ODAD2: variants seen among roughly 807,000 people sequenced by gnomAD.
ODAD2 encodes the protein outer dynein arm docking complex subunit 2.
ODAD2 carries 89 observed loss-of-function variants against 106.8 expected under a neutral mutation model. The observed-to-expected ratio is 0.83, with a 90% CI of 0.70 to 0.99. The LOEUF (loss-of-function observed/expected upper bound fraction) is 0.99, where lower values mean the gene tolerates loss of function less well. ODAD2 is among the 50% of genes least tolerant of loss of function. ODAD2 has a pLI of 0.00. For synonymous variants in ODAD2, 404 were observed against 436.2 expected (o/e 0.93, Z 0.92); for missense variants, 1,168 against 1,238.5 (o/e 0.94, Z 0.85).
intron 19 of ODAD2, among the ~76,000 whole-genome samples, chr10:27,832,016 G>A (rs568975484): frequency 6.6e-6 from 1 of 152,326 alleles, no homozygotes; most frequent in East Asian, 1.9e-4. Flanking sequence ...GCATATTCGG[G>A]GCTTCCCCTG....
At chr10:27,826,951 G>T (rs1837091252) in intron 19 of ODAD2, among the ~76,000 whole-genome samples, 1 of 151,420 alleles carries the variant, frequency 6.6e-6, no homozygotes, top group Non-Finnish European at 1.5e-5. Context: ...TTTTCCAAGG[G>T]TGACCTCCAC....
At chr10:27,818,464 T>C (rs1172877243) in intron 19 of ODAD2, among the ~76,000 whole-genome samples, 1 of 152,166 alleles carries the variant, frequency 6.6e-6, no homozygotes, top group African/African-American at 2.4e-5. Context: ...ATCACTTTAA[T>C]AGACAATAAT....
chr10:27,817,507 C>A (rs1397405401), intron 19 of ODAD2, among the ~76,000 whole-genome samples: 1 of 152,100 alleles, frequency 6.6e-6, no homozygotes, highest in East Asian at 1.9e-4. Flanking sequence ...CTCCCCATTT[C>A]CCATCTTTTG....
At chr10:27,831,523 G>A (rs1837477293) in intron 19 of ODAD2, among the ~76,000 whole-genome samples, 3 of 152,098 alleles carry the variant, frequency 2.0e-5, no homozygotes, top group Admixed American at 2.0e-4. Context: ...TATTATTAAC[G>A]TTCCAATGTA....
intron 16 of ODAD2, among the ~76,000 whole-genome samples, chr10:27,912,625 C>A (rs1223613556): frequency 1.3e-5 from 2 of 152,124 alleles, no homozygotes; most frequent in Non-Finnish European, 2.9e-5. Context: ...ATTTTGAAAT[C>A]ATAATTTTGC....
At position 27,944,775 on chromosome 10, in the gene ODAD2, T is replaced by A. The variant is rs80285526; in HGVS notation, c.1533+41A>T. 1.3e-3 allele frequency: 2,101 copies of A among 1,612,182 alleles called. 28 individuals are homozygous for A. The African/African-American group carries it at 0.024, about 18-fold the overall frequency. On this transcript the variant is annotated intron_variant, in intron 11 of 19. Transcript: ENST00000305242. ...GAGCTAAGAAGAGAGCCCAGGAAGG[T>A]GGGAACAAGACTCCGCATCCAAGGT...
chr10:27,995,014 A>G lies in ODAD2; in HGVS notation c.129T>C (p.Tyr43=), dbSNP rs1564587636. ...EIIVFVESFI[Y]KHPQEAKFVF... is the part of the protein sequence containing the mutation. ...CAAATTTTGCCTCTTGAGGATGTTT[A>G]TAGATAAAACTCTCCACAAACACAA... The change falls in exon 2 of 20, where the codon TAT becomes TAC. Residue 43 remains tyrosine (Y), a synonymous_variant. Coordinates refer to ENST00000305242, the MANE Select transcript of ODAD2 (RefSeq NM_018076.5). 6.2e-7 allele frequency: 1 copy of G among 1,614,214 alleles called. No homozygotes were observed. Among genetic ancestry groups the G allele is most frequent in the East Asian group, 2.2e-5 (1 of 44,882 alleles).
chr10:27,904,518 A>T (rs1843445205), intron 17 of ODAD2, among the ~76,000 whole-genome samples: 1 of 152,186 alleles, frequency 6.6e-6, no homozygotes, highest in Non-Finnish European at 1.5e-5. Context: ...AAAGTCCATC[A>T]CTGCCTCTGA....
At chr10:27,842,329 C>T (rs983177471) in intron 19 of ODAD2, among the ~76,000 whole-genome samples, 2 of 152,164 alleles carry the variant, frequency 1.3e-5, no homozygotes, top group African/African-American at 4.8e-5. Context: ...AGAATCTCTA[C>T]ACTGTATCTT....
intron 12 of ODAD2, among the ~76,000 whole-genome samples, chr10:27,941,136 C>T (rs901223003): frequency 6.6e-6 from 1 of 152,052 alleles, no homozygotes; most frequent in African/African-American, 2.4e-5. Flanking sequence ...AAACTAGCTT[C>T]CCTAAAACCA....
At chr10:27,835,469 T>C (rs1012702060) in intron 19 of ODAD2, among the ~76,000 whole-genome samples, 2 of 151,982 alleles carry the variant, frequency 1.3e-5, no homozygotes, top group Admixed American at 1.3e-4. Flanking sequence ...AGGTGTGTTC[T>C]CTCTCTCTCT....
At chr10:27,898,592 G>T (rs1459819567) in intron 17 of ODAD2, among the ~76,000 whole-genome samples, 2 of 152,056 alleles carry the variant, frequency 1.3e-5, no homozygotes, top group Admixed American at 1.3e-4. Flanking sequence ...TCAAGGATTT[G>T]TATCAATCTT....
chr10:27,937,714 G>A (rs1440814258), intron 14 of ODAD2, among the ~76,000 whole-genome samples: 1 of 152,124 alleles, frequency 6.6e-6, no homozygotes, highest in Non-Finnish European at 1.5e-5. Context: ...CACCCATGGA[G>A]GCCACTAGAA....
intron 19 of ODAD2, among the ~76,000 whole-genome samples, chr10:27,835,040 C>T (rs991893473): frequency 1.3e-5 from 2 of 152,170 alleles, no homozygotes; most frequent in Non-Finnish European, 2.9e-5. Flanking sequence ...GCAGGGGTTG[C>T]GGCACAGCAC....
At chr10:27,837,166 G>A (rs2133070196) in intron 19 of ODAD2, among the ~76,000 whole-genome samples, 1 of 152,302 alleles carries the variant, frequency 6.6e-6, no homozygotes, top group Admixed American at 6.5e-5. Flanking sequence ...GCCTCTCTGG[G>A]TCACAGCAAG....
At chr10:27,821,563 G>A (rs1836613363) in intron 19 of ODAD2, among the ~76,000 whole-genome samples, 1 of 152,200 alleles carries the variant, frequency 6.6e-6, no homozygotes, top group East Asian at 1.9e-4. Context: ...ACAACAGAAA[G>A]TTGGTACAAA....
intron 17 of ODAD2, among the ~76,000 whole-genome samples, chr10:27,907,093 T>C (rs537112767): frequency 1.3e-5 from 2 of 152,248 alleles, no homozygotes; most frequent in South Asian, 4.1e-4. Flanking sequence ...AGAAAAAATG[T>C]TAAGAGAAAT....
chr10:27,856,669 C>A (rs1037663310), intron 19 of ODAD2, among the ~76,000 whole-genome samples: 1 of 152,182 alleles, frequency 6.6e-6, no homozygotes, highest in African/African-American at 2.4e-5. Flanking sequence ...TAAAATGTGG[C>A]TGGTGCAAAC....
At chr10:27,922,582 T>G (rs1844873748) in intron 16 of ODAD2, among the ~76,000 whole-genome samples, 1 of 151,936 alleles carries the variant, frequency 6.6e-6, no homozygotes, top group Non-Finnish European at 1.5e-5. Flanking sequence ...TAGATGAGAA[T>G]TAAAAGAAAC....
Sources: allele counts gnomAD v4.1 joint callset (sites outside exome capture counted in the v4.1 genomes callset), GRCh38; gene constraint gnomAD v4.1.1; transcripts MANE v1.5; gene names NCBI Gene and HGNC (gene_info 2026-07-23, HGNC 2026-07-21).